The following RIN3 variants were observed in gnomAD, a reference collection of about 807,000 sequenced individuals.
RIN3 encodes Ras and Rab interactor 3, also known as RAB5 interacting protein 3.
RIN3 carries 54 observed loss-of-function variants against 76.3 expected under a neutral mutation model. The observed-to-expected ratio is 0.71, with a 90% CI of 0.57 to 0.89. The LOEUF is 0.89. Ranked by LOEUF, RIN3 falls within the 40% of genes least tolerant of loss-of-function variation. RIN3 has a pLI of 0.00. For missense variants in RIN3, 1,256 were observed against 1,322.1 expected (o/e 0.95, Z 0.78); for synonymous variants, 576 against 564.0 (o/e 1.02, Z -0.30).
At chr14:92,560,500 A>C (rs1015215440) in intron 2 of RIN3, among the ~76,000 whole-genome samples, 1 of 152,162 alleles carries the variant, frequency 6.6e-6, no homozygotes. Context: ...TGCTATATGC[A>C]TGATCTTACT....
At chr14:92,582,486 C>T (rs1191624304) in intron 3 of RIN3, among the ~76,000 whole-genome samples, 4 of 127,898 alleles carry the variant, frequency 3.1e-5, no homozygotes, top group South Asian at 2.5e-4. Context: ...CTTGCTCTAT[C>T]GCCCAGGCCG....
rs140023481 is a variant in RIN3, at chr14:92,587,098, G to A, written c.367+9621G>A. Among the ~76,000 whole-genome samples the A allele has an allele frequency of 1.1e-3, 163 of 152,336 alleles. 1 individual carries two copies. The highest frequency in any genetic ancestry group is 3.7e-3 in the African/African-American group (153 of 41,578). On this transcript the variant is annotated intron_variant, in intron 3 of 9. Coordinates refer to ENST00000216487, the MANE Select transcript of RIN3 (RefSeq NM_024832.5). Reference sequence around the variant, plus strand: ...TCACGAAAGACCTTGACAACCACCCGAGGGTGTTAGAGATTTGGTTTGTAG... The same window carrying A: ...TCACGAAAGACCTTGACAACCACCCAAGGGTGTTAGAGATTTGGTTTGTAG...
chr14:92,644,988 T>C (rs1887147518), intron 5 of RIN3: 1 of 152,128 alleles, frequency 6.6e-6, no homozygotes, highest in Admixed American at 6.5e-5. Context: ...AAAAGAGACT[T>C]AGAGAAAGGA....
chr14:92,657,180 GA>G (rs1566890891), intron 6 of RIN3, among the ~76,000 whole-genome samples: 1 of 152,206 alleles, frequency 6.6e-6, no homozygotes, highest in Middle Eastern at 3.4e-3. Context: ...CCAACATGGT[GA>G]AACCCCCCTC....
chr14:92,644,264 A>T (rs900179335), intron 5 of RIN3, among the ~76,000 whole-genome samples: 4 of 152,178 alleles, frequency 2.6e-5, no homozygotes, highest in African/African-American at 9.7e-5. Context: ...AGTGAGATGC[A>T]TGGCCTCAGT....
chr14:92,680,169 A>G lies in RIN3; in HGVS notation c.2467+3563A>G, dbSNP rs372944556. On this transcript the variant is annotated intron_variant, in intron 8 of 9. Transcript: ENST00000216487. The stretch of plus-strand genomic sequence containing the variant: ...TGGTGGGTTCTTGTTGTATCTTCAC[A>G]TGGCAGAAGGGACAGGACAGCTCTC... Among the ~76,000 whole-genome samples, 6 of 150,340 alleles carry G rather than the reference A, an allele frequency of 4.0e-5. 1 individual carries two copies. The South Asian group carries it at 8.5e-4, about 21-fold the overall frequency.
intron 1 of RIN3, among the ~76,000 whole-genome samples, chr14:92,530,859 G>C (rs536251491): frequency 1.3e-5 from 2 of 152,206 alleles, no homozygotes; most frequent in East Asian, 3.9e-4. Context: ...TTCTCCCCAA[G>C]TTGGTTCTAT....
At chr14:92,628,942 AAAAG>A (rs967326656) in intron 4 of RIN3, among the ~76,000 whole-genome samples, 1 of 152,114 alleles carries the variant, frequency 6.6e-6, no homozygotes, top group Non-Finnish European at 1.5e-5. Context: ...GAAAGACAGA[AAAAG>A]AAAGAGAGAG....
In RIN3 at chr14:92,676,598, T is replaced by C. The variant is rs1888472782; in HGVS notation, c.2459T>C (p.Leu820Pro). 6.2e-7 allele frequency: 1 copy of C among 1,613,104 alleles called. No homozygotes were observed. The highest frequency in any genetic ancestry group is 1.3e-5 in the African/African-American group (1 of 74,890). ...MMELMDPALQ[L>P]GEGSYYLTTT... The stretch of plus-strand genomic sequence containing the variant: ...GAGCTCATGGACCCCGCCCTGCAGC[T>C]GGGGGAGGGTGAGTCACCACCCCCT... The change falls in exon 8 of 10, where the codon CTG becomes CCG. Residue 820 changes from leucine to proline, a missense_variant. By Grantham distance (98) the Leu-to-Pro change is moderately conservative. This residue lies in a region of RIN3 where 428 missense variants were observed against 521.2 expected (regional missense o/e 0.82). Coordinates refer to ENST00000216487, the MANE Select transcript of RIN3 (RefSeq NM_024832.5).
chr14:92,641,647 G>C (rs1267533729), intron 5 of RIN3, among the ~76,000 whole-genome samples: 1 of 152,208 alleles, frequency 6.6e-6, no homozygotes, highest in East Asian at 1.9e-4. Flanking sequence ...CTGAGTGGGA[G>C]CCAGAGAGCT....
At chr14:92,659,014 G>A in intron 6 of RIN3, 147 bp from the exon 7 acceptor site, 1 of 750,994 alleles carries the variant, frequency 1.3e-6, no homozygotes, top group Non-Finnish European at 2.3e-6. Context: ...TCTCTCATGT[G>A]TCAGAACCAC....
intron 1 of RIN3, among the ~76,000 whole-genome samples, chr14:92,536,744 A>G (rs74416945): frequency 0.62 from 76,696 of 123,312 alleles, 21,325 homozygotes; most frequent in African/African-American, 0.68. Context: ...CCGTCTCAGA[A>G]AAAAAAAAAA....
At chr14:92,680,401 T>C (rs185451322) in intron 8 of RIN3, among the ~76,000 whole-genome samples, 2,754 of 152,210 alleles carry the variant, frequency 0.018, 35 homozygotes, top group Non-Finnish European at 0.029. Context: ...GGTTCCAACA[T>C]GTTGGCCAGG....
intron 7 of RIN3, among the ~76,000 whole-genome samples, chr14:92,664,452 C>T (rs1888007236): frequency 6.9e-6 from 1 of 145,936 alleles, no homozygotes; most frequent in African/African-American, 2.5e-5. Context: ...ACTGCAAACT[C>T]CGCCTCCCGG....
chr14:92,657,238 T>C (rs1887703311), intron 6 of RIN3, among the ~76,000 whole-genome samples: 1 of 152,044 alleles, frequency 6.6e-6, no homozygotes, highest in South Asian at 2.1e-4. Flanking sequence ...TGGGTACCTG[T>C]AATCCCAGCT....
intron 4 of RIN3, among the ~76,000 whole-genome samples, chr14:92,639,585 GTGCCAC>G (rs1168952438): frequency 2.0e-5 from 3 of 152,232 alleles, no homozygotes; most frequent in Non-Finnish European, 4.4e-5. Flanking sequence ...GGCCCTGGCA[GTGCCAC>G]ATTCCCCTTC....
At position 92,688,362 on chromosome 14, in the gene RIN3, T is replaced by C; in HGVS notation, c.*110T>C. On this transcript the variant is annotated 3_prime_UTR_variant, in exon 10 of 10. Coordinates refer to ENST00000216487, the MANE Select transcript of RIN3 (RefSeq NM_024832.5). ...CAGCAGAGGGACATGGGCCATTCCATGACGTGCCCAGGCCAACGTCGCAGG... is the reference window on the plus strand; with the variant it reads ...CAGCAGAGGGACATGGGCCATTCCACGACGTGCCCAGGCCAACGTCGCAGG... 9.1e-7 allele frequency: 1 copy of C among 1,097,430 alleles called. No homozygotes were observed. The highest frequency in any genetic ancestry group is 1.3e-6 in the Non-Finnish European group (1 of 793,238). 68.0% of individuals were successfully genotyped at this position (1,097,430 alleles called of 1,614,324 possible).
At chr14:92,627,903 C>T (rs373354624) in intron 4 of RIN3, among the ~76,000 whole-genome samples, 16 of 152,332 alleles carry the variant, frequency 1.1e-4, no homozygotes, top group African/African-American at 2.6e-4. Context: ...TATAGAAGGG[C>T]GCTTCCTGCA....
intron 7 of RIN3, among the ~76,000 whole-genome samples, chr14:92,663,031 G>A (rs1272954744): frequency 6.6e-6 from 1 of 151,920 alleles, no homozygotes; most frequent in East Asian, 1.9e-4. Flanking sequence ...GGCTGGTCTC[G>A]AACTCCTGAG....
Sources: allele counts gnomAD v4.1 joint callset (sites outside exome capture counted in the v4.1 genomes callset), GRCh38; gene constraint gnomAD v4.1.1; regional missense constraint gnomAD v4.1.1; transcripts MANE v1.5; gene names NCBI Gene and HGNC (gene_info 2026-07-23, HGNC 2026-07-21).